The following PARP6 variants were observed in gnomAD, a reference collection of about 807,000 sequenced individuals.
PARP6 encodes the protein protein mono-ADP-ribosyltransferase PARP6.
In PARP6, 27 loss-of-function variants were observed where a neutral mutation model predicts 92.0. The observed-to-expected ratio is 0.29, with a 90% CI of 0.22 to 0.40. The LOEUF (loss-of-function observed/expected upper bound fraction) is 0.40. Ranked by LOEUF, PARP6 falls within the 10% of genes least tolerant of loss-of-function variation. The probability of loss-of-function intolerance (pLI) is 1.00; values close to 1 mark genes in which losing one functional copy is unlikely to be tolerated. For synonymous variants in PARP6, 272 were observed against 281.2 expected (o/e 0.97, Z 0.33); for missense variants, 501 against 784.5 (o/e 0.64, Z 4.32).
chr15:72,261,732 T>C, intron 8 of PARP6, 25 bp from the exon 9 acceptor site: 1 of 1,612,134 alleles, frequency 6.2e-7, no homozygotes, highest in Non-Finnish European at 8.5e-7. Context: ...AGAATGAGCT[T>C]AGGCAAGATG....
intron 18 of PARP6, 34 bp from the exon 19 acceptor site, chr15:72,250,126 G>A (rs2084151685): frequency 2.2e-6 from 3 of 1,370,384 alleles, no homozygotes; most frequent in Non-Finnish European, 2.1e-6. Context: ...GTCTCCTTAT[G>A]ATATGAGGTT....
At chr15:72,259,375 C>T (rs1233538401) in intron 11 of PARP6, among the ~76,000 whole-genome samples, 1 of 152,228 alleles carries the variant, frequency 6.6e-6, no homozygotes, top group Non-Finnish European at 1.5e-5. Context: ...GACACTCATA[C>T]ACTTAAAATT....
rs891536657 is a variant in PARP6, at chr15:72,242,697, T to C, written c.1564A>G (p.Met522Val). The C allele has an allele frequency of 6.2e-7, 1 of 1,605,102 alleles. No homozygotes were observed. The highest frequency in any genetic ancestry group is 8.5e-7 in the Non-Finnish European group (1 of 1,174,884). The change falls in exon 21 of 24, where the codon ATG (methionine) becomes GTG (valine). Residue 522 changes from methionine (M) to valine (V), a missense_variant and splice_region_variant. Met to Val is a conservative substitution (Grantham distance 21). Coordinates refer to ENST00000569795, the MANE Select transcript of PARP6 (RefSeq NM_001323532.2). The surrounding 1 kb of genome is among the most constrained non-coding windows in gnomAD (Gnocchi z 4.3). ...ISSISFGYSG[M>V]GKGQHRMPSK... ...GGCATCCTGTGCTGTCCTTTTCCCA[T>C]TCCTGTCACAGAACAATACACCCAC...
At chr15:72,261,826 G>C in intron 8 of PARP6, 119 bp from the exon 9 acceptor site, 1 of 938,046 alleles carries the variant, frequency 1.1e-6, no homozygotes, top group African/African-American at 1.6e-5. Flanking sequence ...TTGTGGTAGG[G>C]GAATGTGTAT....
chr15:72,255,469 G>T (rs1001090467), intron 14 of PARP6, among the ~76,000 whole-genome samples: 6 of 151,692 alleles, frequency 4.0e-5, no homozygotes, highest in Non-Finnish European at 7.4e-5. Context: ...GGCCAGGCTG[G>T]TCTTTAACTC....
At chr15:72,250,278 G>A (rs2084178839) in intron 18 of PARP6, 186 bp from the exon 19 acceptor site, 3 of 565,516 alleles carry the variant, frequency 5.3e-6, no homozygotes, top group South Asian at 2.0e-5. Context: ...TAAACTCTAC[G>A]TCTCTATTTC....
At position 72,261,426 on chromosome 15, in the gene PARP6, G is replaced by GT. The variant is rs2085873956; in HGVS notation, c.545+131dup. 4 of 780,932 alleles carry GT rather than the reference G, an allele frequency of 5.1e-6. No homozygotes were observed. The African/African-American group carries it at 6.9e-5, about 13-fold the overall frequency. The allele number at this position is 780,932 out of a possible 1,614,324, so 48.4% of individuals were successfully genotyped here. On this transcript the variant is annotated intron_variant, in intron 9 of 23. Coordinates refer to ENST00000569795, the MANE Select transcript of PARP6 (RefSeq NM_001323532.2). ...AAGGACACATAGGGAACAGGACCAT[G>GT]TGAGTGGTGTCAGTAGTTAAAGAGA... is the stretch of plus-strand genomic sequence containing the variant.
intron 12 of PARP6, 31 bp from the exon 13 acceptor site, chr15:72,257,471 G>C (rs780358599): frequency 6.4e-7 from 1 of 1,557,508 alleles, no homozygotes; most frequent in African/African-American, 1.4e-5. Context: ...GATGGTGGTG[G>C]GATGGGGTGT....
At chr15:72,251,736 C>T (rs75562471) in intron 16 of PARP6, among the ~76,000 whole-genome samples, 3,665 of 152,152 alleles carry the variant, frequency 0.024, 91 homozygotes, top group African/African-American at 0.06. Context: ...TGGGGAGAAA[C>T]GGAGAGAAAG....
At chr15:72,255,199 T>C (rs923373346) in intron 14 of PARP6, among the ~76,000 whole-genome samples, 4 of 152,208 alleles carry the variant, frequency 2.6e-5, no homozygotes, top group African/African-American at 9.6e-5. Flanking sequence ...TGGCTCTTCT[T>C]GGATGTTAAG....
chr15:72,252,772 A>C (rs1439991037), intron 16 of PARP6, among the ~76,000 whole-genome samples: 1 of 152,228 alleles, frequency 6.6e-6, no homozygotes. Flanking sequence ...GGTGTGAGCC[A>C]CTGCACCCGG....
In PARP6 at chr15:72,251,267, C is replaced by T; in HGVS notation, c.1260-12G>A. On this transcript the variant is annotated splice_polypyrimidine_tract_variant and intron_variant, in intron 16 of 23. Coordinates refer to ENST00000569795, the MANE Select transcript of PARP6 (RefSeq NM_001323532.2). Reference sequence around the variant, plus strand: ...TGCTAGAGATGATCCTGGGAAGAAACAGAAAAAAATAAAAAGGATAGAATA... The same window carrying T: ...TGCTAGAGATGATCCTGGGAAGAAATAGAAAAAAATAAAAAGGATAGAATA... 1 of 1,546,620 alleles carries T rather than the reference C, an allele frequency of 6.5e-7. No individual in the cohort carries two copies. The highest frequency in any genetic ancestry group is 8.9e-7 in the Non-Finnish European group (1 of 1,127,458).
intron 16 of PARP6, among the ~76,000 whole-genome samples, chr15:72,252,483 A>T (rs555206066): frequency 6.6e-6 from 1 of 151,910 alleles, no homozygotes. Flanking sequence ...TGTACACAAT[A>T]CATGTAATTT....
chr15:72,242,424 T>C lies in PARP6; in HGVS notation c.1641+196A>G, dbSNP rs1385370024. Among the ~76,000 whole-genome samples the C allele has an allele frequency of 2.0e-5, 3 of 152,212 alleles. No homozygotes were observed. Among genetic ancestry groups the C allele is most frequent in the African/African-American group, 7.2e-5 (3 of 41,454 alleles). ...TCCATCTTTACATTTTCATCTAAACTCAGCCTCTGCTTTTATACTCATGAC... is the reference window on the plus strand; with the variant it reads ...TCCATCTTTACATTTTCATCTAAACCCAGCCTCTGCTTTTATACTCATGAC... On this transcript the variant is annotated intron_variant, in intron 21 of 23. Transcript: ENST00000569795. This position sits in a 1 kb window ranked among gnomAD's most constrained non-coding sequence, Gnocchi z 4.3.
chr15:72,266,025 G>A, intron 4 of PARP6, 34 bp from the exon 5 acceptor site: 1 of 1,369,982 alleles, frequency 7.3e-7, no homozygotes, highest in Non-Finnish European at 1.0e-6. Flanking sequence ...GTGGAGAGAG[G>A]TGGAAAAAGA....
intron 16 of PARP6, among the ~76,000 whole-genome samples, chr15:72,253,170 A>G (rs538890154): frequency 2.0e-5 from 1 of 50,760 alleles, no homozygotes; most frequent in East Asian, 3.4e-4. Context: ...GTGAGACCCT[A>G]TCTCAAAAAA....
chr15:72,243,467 G>A (rs1015791037), intron 20 of PARP6: 2 of 152,194 alleles, frequency 1.3e-5, no homozygotes, highest in Non-Finnish European at 1.5e-5. Flanking sequence ...AAATCACAAT[G>A]GCAACTAACT....
At chr15:72,269,223 C>T (rs771443951) in intron 2 of PARP6, among the ~76,000 whole-genome samples, 5 of 152,032 alleles carry the variant, frequency 3.3e-5, no homozygotes, top group Non-Finnish European at 5.9e-5. Context: ...TGCAATGGTG[C>T]GATCTCGGCT....
intron 4 of PARP6, 33 bp from the exon 5 acceptor site, chr15:72,266,024 G>C (rs1231685273): frequency 7.3e-7 from 1 of 1,370,084 alleles, no homozygotes. Context: ...GGTGGAGAGA[G>C]GTGGAAAAAG....
Sources: gnomAD v4.1 joint callset for allele counts (sites outside exome capture counted in the v4.1 genomes callset) on GRCh38, gnomAD v4.1.1 for gene constraint, Gnocchi (gnomAD v3.1) non-coding constraint, MANE v1.5 for transcripts, NCBI Gene and HGNC (gene_info 2026-07-23, HGNC 2026-07-21) for gene names.